The following RBFOX1 variants were observed in gnomAD, a reference collection of about 807,000 sequenced individuals.
RBFOX1 encodes the protein RNA binding protein fox-1 homolog 1.
RBFOX1 carries 8 observed loss-of-function variants against 57.7 expected under a neutral mutation model. The ratio of observed to expected loss-of-function variants is 0.14; its 90% CI spans 0.08 to 0.25. The LOEUF (loss-of-function observed/expected upper bound fraction) is 0.25, where lower values mean the gene tolerates loss of function less well. Among genes scored for constraint, RBFOX1 ranks in the 10% least tolerant of loss-of-function variants. The pLI, the probability that RBFOX1 is intolerant of heterozygous loss-of-function variation, is 1.00. For synonymous variants in RBFOX1, 326 were observed against 222.4 expected, an observed-to-expected ratio of 1.47 and a Z score of -4.15; for missense variants, 611 against 548.5, an observed-to-expected ratio of 1.11 and a Z score of -1.14.
intron 3 of RBFOX1, among the ~76,000 whole-genome samples, chr16:5,643,855 C>G (rs2048961468): frequency 6.6e-6 from 1 of 152,168 alleles, no homozygotes; most frequent in Non-Finnish European, 1.5e-5. Context: ...ATGGAGCTCA[C>G]CCTGCACACG....
intron 4 of RBFOX1, among the ~76,000 whole-genome samples, chr16:7,431,520 G>A (rs950777145): frequency 1.3e-5 from 2 of 152,178 alleles, no homozygotes; most frequent in African/African-American, 4.8e-5. Context: ...GATTATGGGC[G>A]TGAGCCACCG....
intron 2 of RBFOX1, among the ~76,000 whole-genome samples, chr16:5,547,996 C>G (rs1487297789): frequency 6.6e-6 from 1 of 151,172 alleles, no homozygotes; most frequent in Non-Finnish European, 1.5e-5. Context: ...CCTGTCTCTA[C>G]TAAAAATAAA....
chr16:6,337,600 A>G (rs1430901109), intron 2 of RBFOX1, among the ~76,000 whole-genome samples: 1 of 152,242 alleles, frequency 6.6e-6, no homozygotes, highest in Admixed American at 6.5e-5. Flanking sequence ...AGAGGCAGAT[A>G]TATAGGCTAC....
intron 3 of RBFOX1, among the ~76,000 whole-genome samples, chr16:6,866,084 A>G (rs1465997577): frequency 6.6e-6 from 1 of 152,104 alleles, no homozygotes. Flanking sequence ...CCAAAAGATG[A>G]TATTTTTATG....
At chr16:6,503,224 C>A (rs577758173) in intron 2 of RBFOX1, among the ~76,000 whole-genome samples, 2 of 151,768 alleles carry the variant, frequency 1.3e-5, no homozygotes, top group African/African-American at 4.8e-5. Flanking sequence ...ATAAAAATAA[C>A]GTTAAAATAA....
chr16:7,246,405 C>G lies in RBFOX1; in HGVS notation c.27+194307C>G, dbSNP rs78009959. Among the ~76,000 whole-genome samples the G allele has an allele frequency of 0.024, 3,684 of 152,192 alleles. 420 individuals are homozygous for G. The East Asian group carries it at 0.33, about 14-fold the overall frequency. ...CTGAAGTGATAACCCGAATGTTTTC[C>G]TCTTGAATGTGTGATTTTTTTAGTG... is the stretch of plus-strand genomic sequence containing the variant. On this transcript the variant is annotated intron_variant, in intron 4 of 15. Transcript: ENST00000550418.
intron 1 of RBFOX1, among the ~76,000 whole-genome samples, chr16:5,306,182 A>G (rs1198013180): frequency 6.6e-6 from 1 of 152,222 alleles, no homozygotes; most frequent in Non-Finnish European, 1.5e-5. Context: ...GCCTGGGCGC[A>G]TAGCAAGACC....
chr16:5,827,478 A>G (rs1021156020), intron 3 of RBFOX1, among the ~76,000 whole-genome samples: 1 of 151,974 alleles, frequency 6.6e-6, no homozygotes, highest in Non-Finnish European at 1.5e-5. Context: ...GTAGTTGAAG[A>G]CAACTCTCTA....
intron 3 of RBFOX1, among the ~76,000 whole-genome samples, chr16:6,895,418 ATGTGTG>A (rs139075559): frequency 0.15 from 12,929 of 86,390 alleles, 1,139 homozygotes; most frequent in Middle Eastern, 0.21. Context: ...TTAGTAATAT[ATGTGTG>A]TGTGTGTGTG....
intron 1 of RBFOX1, among the ~76,000 whole-genome samples, chr16:5,449,680 C>G (rs2068361643): frequency 6.6e-6 from 1 of 152,190 alleles, no homozygotes; most frequent in Non-Finnish European, 1.5e-5. Context: ...ACAATCACAG[C>G]TCACTGCAAC....
chr16:6,834,994 G>A (rs773314561), intron 3 of RBFOX1, among the ~76,000 whole-genome samples: 2 of 150,408 alleles, frequency 1.3e-5, no homozygotes, highest in African/African-American at 2.4e-5. Context: ...CCAGGTTCAC[G>A]CCATTCTCCT....
intron 1 of RBFOX1, among the ~76,000 whole-genome samples, chr16:5,347,522 A>G (rs1485136463): frequency 2.6e-5 from 4 of 152,056 alleles, no homozygotes; most frequent in Admixed American, 1.3e-4. Flanking sequence ...TATTTCCACC[A>G]TACACTTGGA....
chr16:6,638,035 G>A (rs1321195177), intron 2 of RBFOX1, among the ~76,000 whole-genome samples: 1 of 152,032 alleles, frequency 6.6e-6, no homozygotes, highest in East Asian at 1.9e-4. Flanking sequence ...AAGTATCTAA[G>A]ACACCTTTAG....
chr16:7,616,450 C>T (rs1418555613), intron 10 of RBFOX1, among the ~76,000 whole-genome samples: 1 of 152,218 alleles, frequency 6.6e-6, no homozygotes, highest in Non-Finnish European at 1.5e-5. Context: ...AACTCTCAAA[C>T]CTCAGCCCAT....
At chr16:5,862,872 C>G (rs972487775) in intron 3 of RBFOX1, among the ~76,000 whole-genome samples, 2 of 152,110 alleles carry the variant, frequency 1.3e-5, no homozygotes, top group African/African-American at 4.8e-5. Flanking sequence ...CATCAGAGCC[C>G]CAGACAGTGT....
chr16:5,568,812 A>G (rs182846587), intron 2 of RBFOX1, among the ~76,000 whole-genome samples: 2 of 151,966 alleles, frequency 1.3e-5, no homozygotes, highest in African/African-American at 2.4e-5. Context: ...AAATGACTCA[A>G]CCTGGCTTGG....
intron 4 of RBFOX1, among the ~76,000 whole-genome samples, chr16:6,008,744 G>A (rs1303643908): frequency 6.6e-6 from 1 of 152,232 alleles, no homozygotes; most frequent in Non-Finnish European, 1.5e-5. Flanking sequence ...AGTGTGTTCA[G>A]ATAAGTACCT....
At chr16:6,710,370 C>G (rs2063506088) in intron 3 of RBFOX1, among the ~76,000 whole-genome samples, 1 of 152,146 alleles carries the variant, frequency 6.6e-6, no homozygotes, top group Non-Finnish European at 1.5e-5. Context: ...TTTTATTTAA[C>G]CCAAATATCC....
intron 4 of RBFOX1, among the ~76,000 whole-genome samples, chr16:7,056,241 C>T (rs887217113): frequency 2.0e-5 from 3 of 152,192 alleles, no homozygotes; most frequent in Non-Finnish European, 2.9e-5. Context: ...TCTCAGAGAA[C>T]TATTGGGATT....
Sources: allele counts gnomAD v4.1 joint callset (sites outside exome capture counted in the v4.1 genomes callset), GRCh38; gene constraint gnomAD v4.1.1; transcripts MANE v1.5; gene names NCBI Gene and HGNC (gene_info 2026-07-23, HGNC 2026-07-21).